KIAA0232: variants seen among roughly 807,000 people sequenced by gnomAD.
The protein encoded by KIAA0232 is uncharacterized protein KIAA0232.
In KIAA0232, 27 loss-of-function variants were observed where a neutral mutation model predicts 122.0. The observed-to-expected ratio is 0.22, with a 90% CI of 0.16 to 0.31. The LOEUF (loss-of-function observed/expected upper bound fraction) is 0.31. Ranked by LOEUF, KIAA0232 falls within the 10% of genes least tolerant of loss-of-function variation. The pLI, the probability that KIAA0232 is intolerant of heterozygous loss-of-function variation, is 1.00. For synonymous variants in KIAA0232, 613 were observed against 587.6 expected (o/e 1.04, Z -0.63); for missense variants, 1,551 against 1,634.2 (o/e 0.95, Z 0.88).
Position 6,882,712 on chromosome 4 carries a change from A to G in KIAA0232, c.*1746A>G, listed in dbSNP as rs1175862235. The G allele has an allele frequency of 6.6e-6, 1 of 152,658 alleles. No homozygotes were observed. Among genetic ancestry groups the G allele is most frequent in the African/African-American group, 2.4e-5 (1 of 41,466 alleles). 9.5% of individuals were successfully genotyped at this position (152,658 alleles called of 1,614,324 possible). ...TGTTATTTATTTACGAACTTCAGAT[A>G]CGTTTTTATGTATTTTTCATTCTTC... On this transcript the variant is annotated 3_prime_UTR_variant, in exon 10 of 10. Transcript: ENST00000307659.
At chr4:6,799,300 A>G (rs1359837479) in intron 1 of KIAA0232, among the ~76,000 whole-genome samples, 1 of 147,546 alleles carries the variant, frequency 6.8e-6, no homozygotes, top group Non-Finnish European at 1.5e-5. Flanking sequence ...ATCTAGTATG[A>G]CCTCATTTTA....
chr4:6,877,254 G>A (rs550984045), intron 9 of KIAA0232, among the ~76,000 whole-genome samples: 18 of 152,280 alleles, frequency 1.2e-4, no homozygotes, highest in African/African-American at 4.3e-4. Context: ...TCTTCTTGCT[G>A]TAGCCAGAGC....
chr4:6,839,965 G>T (rs906601597), intron 3 of KIAA0232, among the ~76,000 whole-genome samples: 26 of 152,118 alleles, frequency 1.7e-4, no homozygotes, highest in African/African-American at 6.0e-4. Context: ...TATATCAGTG[G>T]ATTTATTACT....
chr4:6,809,872 C>T (rs1222708022), intron 2 of KIAA0232, among the ~76,000 whole-genome samples: 3 of 151,970 alleles, frequency 2.0e-5, no homozygotes, highest in Non-Finnish European at 4.4e-5. Context: ...TACATTTAAC[C>T]AAGGAGGTGA....
At chr4:6,838,087 A>G (rs1412569872) in intron 3 of KIAA0232, among the ~76,000 whole-genome samples, 2 of 152,172 alleles carry the variant, frequency 1.3e-5, no homozygotes, top group Non-Finnish European at 2.9e-5. Context: ...GTAGTGTTGC[A>G]TTTGAGAGTC....
At chr4:6,835,457 G>T (rs1380048021) in intron 3 of KIAA0232, among the ~76,000 whole-genome samples, 1 of 152,190 alleles carries the variant, frequency 6.6e-6, no homozygotes, top group Non-Finnish European at 1.5e-5. Context: ...CTTACCCAAA[G>T]AATTAGGATT....
rs111811307 is a variant in KIAA0232, at chr4:6,824,501, C to G, written c.48C>G (p.Ser16Arg). Reference protein sequence around the residue: ...TVVVDGLPSESSSSSYPGPVS... With the variant: ...TVVVDGLPSERSSSSYPGPVS... Reference sequence around the variant, plus strand: ...TTGTGGATGGTTTGCCATCTGAAAGCTCCTCAAGTTCTTATCCAGGCCCTG... The same window carrying G: ...TTGTGGATGGTTTGCCATCTGAAAGGTCCTCAAGTTCTTATCCAGGCCCTG... The change falls in exon 3 of 10, where the codon AGC (serine) becomes AGG (arginine). Residue 16 changes from serine (S) to arginine (R), a missense_variant. By Grantham distance (110) the Ser-to-Arg change is moderately radical. Around this residue, in one of 5 missense-constraint regions of KIAA0232, gnomAD observed 37 missense variants for 28.5 expected, o/e 1.30. Transcript: ENST00000307659. 1.9e-3 allele frequency: 3,050 copies of G among 1,614,166 alleles called. 5 individuals carry two copies. The highest frequency in any genetic ancestry group is 2.3e-3 in the Non-Finnish European group (2,752 of 1,180,016).
intron 2 of KIAA0232, among the ~76,000 whole-genome samples, chr4:6,817,926 T>A (rs1718213278): frequency 6.6e-6 from 1 of 152,218 alleles, no homozygotes; most frequent in African/African-American, 2.4e-5. Context: ...ATTGACCTTC[T>A]TTATCTCTGT....
At chr4:6,822,738 C>A (rs1045413547) in intron 2 of KIAA0232, among the ~76,000 whole-genome samples, 9 of 150,938 alleles carry the variant, frequency 6.0e-5, no homozygotes, top group African/African-American at 1.9e-4. Flanking sequence ...CTAAGAAATT[C>A]AACCTAGGTA....
chr4:6,840,862 A>G (rs1719617087), intron 3 of KIAA0232, among the ~76,000 whole-genome samples: 2 of 152,134 alleles, frequency 1.3e-5, no homozygotes, highest in South Asian at 2.1e-4. Context: ...TAAAAGGATA[A>G]CAATAAGTGA....
chr4:6,856,148 A>G (rs1720557151), intron 4 of KIAA0232, among the ~76,000 whole-genome samples: 1 of 152,114 alleles, frequency 6.6e-6, no homozygotes, highest in Non-Finnish European at 1.5e-5. Context: ...TATGTAGGAT[A>G]TCTATAATAT....
At position 6,855,871 on chromosome 4, in the gene KIAA0232, C is replaced by T. The variant is rs898209685; in HGVS notation, c.370-1293C>T. 1.6e-5 allele frequency: 16 copies of T among 985,180 alleles called. No individual in the cohort carries two copies. Among genetic ancestry groups the T allele is most frequent in the Non-Finnish European group, 1.9e-5 (16 of 829,742 alleles). 61.0% of individuals were successfully genotyped at this position (985,180 alleles called of 1,614,324 possible). A position where few individuals can be genotyped will look rare whatever the true frequency, so the allele number is the denominator to read the frequency against. On this transcript the variant is annotated intron_variant, in intron 4 of 9. Coordinates refer to ENST00000307659, the MANE Select transcript of KIAA0232 (RefSeq NM_014743.3). The surrounding 1 kb of genome is among the most constrained non-coding windows in gnomAD (Gnocchi z 4.3). ...ATCCGAAGGAAATGGAATATAATTG[C>T]CGTCCTTGTCACACCTTGAGCATTA...
At chr4:6,795,912 A>G (rs1717114653) in intron 1 of KIAA0232, among the ~76,000 whole-genome samples, 1 of 152,136 alleles carries the variant, frequency 6.6e-6, no homozygotes, top group Admixed American at 6.5e-5. Flanking sequence ...AATTACATAT[A>G]TGACTGGCAT....
intron 2 of KIAA0232, among the ~76,000 whole-genome samples, chr4:6,806,049 AC>A (rs1368276003): frequency 6.6e-6 from 1 of 152,146 alleles, no homozygotes; most frequent in Non-Finnish European, 1.5e-5. Context: ...GTAAGTGTAT[AC>A]ATTTTCCTCT....
chr4:6,861,404 A>C lies in KIAA0232; in HGVS notation c.1022A>C (p.Lys341Thr). The C allele has an allele frequency of 1.2e-6, 2 of 1,614,228 alleles. No homozygotes were observed. Among genetic ancestry groups the C allele is most frequent in the South Asian group, 1.1e-5 (1 of 91,090 alleles). ...QSRLSLKHGE[K>T]AERNIHTGSS... ...AGGCTTTCTTTGAAGCACGGTGAAA[A>C]GGCTGAAAGGAACATTCATACTGGA... Residue 341 changes from lysine (K) to threonine (T), a missense_variant, in exon 7 of 10, where the codon AAG (lysine) becomes ACG (threonine). By Grantham distance (78) the Lys-to-Thr change is moderately conservative. Coordinates refer to ENST00000307659, the MANE Select transcript of KIAA0232 (RefSeq NM_014743.3).
Position 6,789,306 on chromosome 4 carries a change from C to T in KIAA0232, c.-354+6465C>T, listed in dbSNP as rs1482367478. Among the ~76,000 whole-genome samples the T allele has an allele frequency of 2.7e-5, 4 of 146,400 alleles. No homozygotes were observed. The East Asian group carries it at 8.1e-4, about 30-fold the overall frequency. ...TTTTTTTTCCCGAGACTGAGTTTTA[C>T]TCTGTCACCCAGGTTGGAGTATAGT... On this transcript the variant is annotated intron_variant, in intron 1 of 9. Transcript: ENST00000307659.
intron 2 of KIAA0232, among the ~76,000 whole-genome samples, chr4:6,818,767 G>A (rs1448656450): frequency 2.0e-5 from 3 of 150,236 alleles, no homozygotes; most frequent in South Asian, 2.1e-4. Flanking sequence ...CAGAGTAGCC[G>A]AAGCAATCCA....
chr4:6,783,156 A>G lies in KIAA0232; in HGVS notation c.-354+315A>G, dbSNP rs1480526989. 4.0e-5 allele frequency among the ~76,000 whole-genome samples: 6 copies of G among 149,772 alleles called. No individual in the cohort carries two copies. In the South Asian group the frequency reaches 8.5e-4, roughly 21 times the overall value. ...CCGCTGATGGCTCCGGGGCCAGCCTAAGGGAGACCGGGCCGCTGTTGATGG... is the reference window on the plus strand; with the variant it reads ...CCGCTGATGGCTCCGGGGCCAGCCTGAGGGAGACCGGGCCGCTGTTGATGG... On this transcript the variant is annotated intron_variant, in intron 1 of 9. Coordinates refer to ENST00000307659, the MANE Select transcript of KIAA0232 (RefSeq NM_014743.3).
At chr4:6,865,109 A>T (rs1721100813) in intron 7 of KIAA0232, among the ~76,000 whole-genome samples, 1 of 152,218 alleles carries the variant, frequency 6.6e-6, no homozygotes, top group Non-Finnish European at 1.5e-5. Context: ...AAGTTGTGTT[A>T]ATGAGAGTCA....
Sources: gnomAD v4.1 joint callset for allele counts (sites outside exome capture counted in the v4.1 genomes callset) on GRCh38, gnomAD v4.1.1 for gene constraint, gnomAD v4.1.1 regional missense constraint, Gnocchi (gnomAD v3.1) non-coding constraint, MANE v1.5 for transcripts, NCBI Gene and HGNC (gene_info 2026-07-23, HGNC 2026-07-21) for gene names.